Variants in SUN1 observed in about 807,000 individuals in gnomAD.
SUN1 encodes SUN domain-containing protein 1.
In SUN1, 61 loss-of-function variants were observed where a neutral mutation model predicts 103.2. The observed-to-expected ratio is 0.59, with a 90% CI of 0.48 to 0.73. The LOEUF (loss-of-function observed/expected upper bound fraction) is 0.73, where lower values mean the gene tolerates loss of function less well. SUN1 is among the 30% of genes least tolerant of loss of function. The pLI, the probability that SUN1 is intolerant of heterozygous loss-of-function variation, is 0.00. For synonymous variants in SUN1, 490 were observed against 425.7 expected (o/e 1.15, Z -1.86); for missense variants, 1,052 against 1,034.6 (o/e 1.02, Z -0.23).
intron 5 of SUN1, chr7:850,775 A>AAAAAC (rs1554263307): frequency 3.4e-5 from 5 of 148,518 alleles, no homozygotes; most frequent in Admixed American, 2.7e-4. Flanking sequence ...ATTAAAAAAA[A>AAAAAC]AAAAAAACAA....
At chr7:844,902 C>T (rs1213398631) in intron 5 of SUN1, among the ~76,000 whole-genome samples, 1 of 152,176 alleles carries the variant, frequency 6.6e-6, no homozygotes, top group Non-Finnish European at 1.5e-5. Context: ...CACTTGGCAC[C>T]CCAGGGCCCC....
rs750969930 is a variant in SUN1, at chr7:873,204, C to G, written c.2242-11C>G. 1 of 1,613,246 alleles carries G rather than the reference C, an allele frequency of 6.2e-7. No individual in the cohort carries two copies. Among genetic ancestry groups the G allele is most frequent in the Non-Finnish European group, 8.5e-7 (1 of 1,179,276 alleles). On this transcript the variant is annotated splice_polypyrimidine_tract_variant and intron_variant, in intron 18 of 18. Transcript: ENST00000401592. The stretch of plus-strand genomic sequence containing the variant: ...AAATACATGTGTGTGTTTTTCCCAC[C>G]TTGATTTCAGAAAAGACCCGACGAC...
intron 9 of SUN1, 168 bp downstream of exon 9, chr7:853,120 C>G (rs918449507): frequency 2.2e-6 from 2 of 910,338 alleles, no homozygotes; most frequent in African/African-American, 3.4e-5. Context: ...TAGGATAGTT[C>G]AAATGCACAT....
chr7:873,147 G>C lies in SUN1; in HGVS notation c.2242-68G>C. ...TGCTTCCTGTCAGACGTCATATTTG[G>C]GGAAGTGATTGGACTTGGGGTTATT... On this transcript the variant is annotated intron_variant, in intron 18 of 18. Coordinates refer to ENST00000401592, the MANE Select transcript of SUN1 (RefSeq NM_001130965.3). 4 of 1,383,344 alleles carry C rather than the reference G, an allele frequency of 2.9e-6. No individual in the cohort carries two copies. In the South Asian group the frequency reaches 4.7e-5, roughly 16 times the overall value. 85.7% of individuals were successfully genotyped at this position (1,383,344 alleles called of 1,614,324 possible).
In SUN1 at chr7:874,062, CT is replaced by C. The variant is rs1191061510; in HGVS notation, c.*735del. ...ATGGGGTTCTCTGGTCTCAGCAAGG[CT>C]TTTCCTGTTGGGAGTCACAGTAAAC... On this transcript the variant is annotated 3_prime_UTR_variant, in exon 19 of 19. Coordinates refer to ENST00000401592, the MANE Select transcript of SUN1 (RefSeq NM_001130965.3). 1 of 152,188 alleles carries C rather than the reference CT, an allele frequency of 6.6e-6. No individual in the cohort carries two copies. Among genetic ancestry groups the C allele is most frequent in the Non-Finnish European group, 1.5e-5 (1 of 68,038 alleles). 9.4% of individuals were successfully genotyped at this position (152,188 alleles called of 1,614,324 possible). A position where few individuals can be genotyped will look rare whatever the true frequency, so the allele number is the denominator to read the frequency against.
intron 16 of SUN1, among the ~76,000 whole-genome samples, chr7:867,240 C>A (rs181390039): frequency 5.3e-5 from 8 of 152,236 alleles, no homozygotes; most frequent in African/African-American, 1.9e-4. Flanking sequence ...CAGCCGGAGC[C>A]CCTCCTCACT....
intron 17 of SUN1, among the ~76,000 whole-genome samples, chr7:871,533 G>A (rs995888739): frequency 1.3e-5 from 2 of 152,258 alleles, no homozygotes; most frequent in East Asian, 1.9e-4. Flanking sequence ...GACCACAGGC[G>A]CCCGCCACCA....
intron 6 of SUN1, 166 bp downstream of exon 6, chr7:851,648 A>G: frequency 1.4e-6 from 1 of 708,282 alleles, no homozygotes; most frequent in Non-Finnish European, 2.3e-6. Flanking sequence ...AACTGACTGT[A>G]CTTGCTGCAT....
chr7:862,292 A>G (rs1832825609), intron 15 of SUN1, among the ~76,000 whole-genome samples: 1 of 152,186 alleles, frequency 6.6e-6, no homozygotes, highest in African/African-American at 2.4e-5. Flanking sequence ...AGGGCAGGAG[A>G]GATTTCTAAA....
At chr7:827,081 G>A (rs766514855) in intron 1 of SUN1, among the ~76,000 whole-genome samples, 4 of 152,110 alleles carry the variant, frequency 2.6e-5, no homozygotes, top group South Asian at 2.1e-4. Context: ...GGAGTGCAGC[G>A]GCAGATCTCA....
At chr7:854,602 T>C (rs1300051022) in intron 10 of SUN1, among the ~76,000 whole-genome samples, 1 of 152,188 alleles carries the variant, frequency 6.6e-6, no homozygotes, top group Non-Finnish European at 1.5e-5. Flanking sequence ...GGTGTGTCAG[T>C]GCACTGGGCT....
intron 5 of SUN1, among the ~76,000 whole-genome samples, chr7:848,856 T>C (rs1165128394): frequency 1.3e-5 from 2 of 152,258 alleles, no homozygotes; most frequent in Admixed American, 6.5e-5. Flanking sequence ...TTAAAGTTAT[T>C]TCTTAAACAA....
At chr7:817,154 C>T (rs950600980) in intron 1 of SUN1, 2 of 464,418 alleles carry the variant, frequency 4.3e-6, no homozygotes, top group South Asian at 2.2e-5. Flanking sequence ...GAGGGGGGGT[C>T]TCGCTGTGTT....
chr7:831,930 C>A, upstream of SUN1: 1 of 536,820 alleles, frequency 1.9e-6, no homozygotes, highest in Non-Finnish European at 2.4e-6. Flanking sequence ...ACAATATACT[C>A]AACACTTTCT....
intron 16 of SUN1, 112 bp downstream of exon 16, chr7:866,179 G>A: frequency 1.1e-6 from 1 of 889,558 alleles, no homozygotes; most frequent in Non-Finnish European, 1.8e-6. Context: ...CACGTCTGTG[G>A]AACTGGTACC....
intron 14 of SUN1, 121 bp from the exon 15 acceptor site, chr7:861,259 A>T: frequency 1.0e-6 from 1 of 958,900 alleles, no homozygotes; most frequent in Non-Finnish European, 1.6e-6. Flanking sequence ...TAGGAACCCT[A>T]CATAGTTTCC....
chr7:853,883 G>A (rs1347825252), intron 10 of SUN1, among the ~76,000 whole-genome samples: 5 of 152,324 alleles, frequency 3.3e-5, no homozygotes, highest in Admixed American at 1.3e-4. Flanking sequence ...GAAGTCCAGC[G>A]GTCGTGGAGA....
chr7:853,738 T>G, intron 10 of SUN1, 120 bp downstream of exon 10: 1 of 1,138,516 alleles, frequency 8.8e-7, no homozygotes, highest in East Asian at 2.6e-5. Context: ...GGGGTTGCCC[T>G]TTCTGTTCTT....
chr7:823,017 G>T (rs1271575041), intron 1 of SUN1, among the ~76,000 whole-genome samples: 1 of 152,226 alleles, frequency 6.6e-6, no homozygotes, highest in Non-Finnish European at 1.5e-5. Flanking sequence ...TGGCCCTGTG[G>T]CCACGCATGA....
Sources: gnomAD v4.1 joint callset for allele counts (sites outside exome capture counted in the v4.1 genomes callset) on GRCh38, gnomAD v4.1.1 for gene constraint, MANE v1.5 for transcripts, NCBI Gene and HGNC (gene_info 2026-07-23, HGNC 2026-07-21) for gene names.